Variants in CKM observed in about 807,000 individuals in gnomAD.
CKM encodes creatine kinase, M-type, also known as creatine kinase M-type.
CKM carries 28 observed loss-of-function variants against 35.4 expected under a neutral mutation model. That is an observed-to-expected ratio of 0.79 (90% CI 0.59 to 1.08). The LOEUF (loss-of-function observed/expected upper bound fraction) is 1.08, where lower values mean the gene tolerates loss of function less well. Ranked by LOEUF, CKM falls within the 50% of genes least tolerant of loss-of-function variation. The probability of loss-of-function intolerance (pLI) is 0.00; values close to 1 mark genes in which losing one functional copy is unlikely to be tolerated. For missense variants in CKM, 484 were observed against 509.8 expected (o/e 0.95, Z 0.49); for synonymous variants, 215 against 204.4 (o/e 1.05, Z -0.44).
At chr19:45,307,726 G>A (rs1599813666) in intron 6 of CKM, 76 bp from the exon 7 acceptor site, 5 of 1,234,768 alleles carry the variant, frequency 4.0e-6, no homozygotes, top group Non-Finnish European at 4.7e-6. Flanking sequence ...GACAGGGTCC[G>A]GAGGGACAGG....
At chr19:45,310,797 G>A (rs55674470) in intron 5 of CKM, among the ~76,000 whole-genome samples, 3,938 of 113,110 alleles carry the variant, frequency 0.035, 66 homozygotes, top group African/African-American at 0.041. Flanking sequence ...TTTTTGAGAC[G>A]GAGTCTCCTG....
chr19:45,318,557 G>A (rs1391988461), intron 2 of CKM, among the ~76,000 whole-genome samples: 1 of 152,012 alleles, frequency 6.6e-6, no homozygotes, highest in Non-Finnish European at 1.5e-5. Flanking sequence ...AGCTTCAGAG[G>A]GTACATGGTG....
rs1971059274 is a variant in CKM, at chr19:45,306,993, C to T, written c.968-65G>A. 6.4e-7 allele frequency: 1 copy of T among 1,565,288 alleles called. No homozygotes were observed. The highest frequency in any genetic ancestry group is 1.1e-5 in the South Asian group (1 of 90,172). ...GGTGCAGAGGGGCTGGGACGTGGCC[C>T]CCGTGCCAAATGCAACAGCCGCATG... On this transcript the variant is annotated intron_variant, in intron 7 of 7. Coordinates refer to ENST00000221476, the MANE Select transcript of CKM (RefSeq NM_001824.5). This position sits in a 1 kb window ranked among gnomAD's most constrained non-coding sequence, Gnocchi z 4.5.
At chr19:45,310,297 T>G (rs375820410) in intron 5 of CKM, among the ~76,000 whole-genome samples, 2 of 151,864 alleles carry the variant, frequency 1.3e-5, no homozygotes, top group African/African-American at 4.8e-5. Context: ...ATTTTTTGTA[T>G]TTTTAGTAGA....
intron 5 of CKM, 76 bp downstream of exon 5, chr19:45,311,673 G>T: frequency 7.9e-7 from 1 of 1,271,814 alleles, no homozygotes; most frequent in Non-Finnish European, 1.1e-6. Flanking sequence ...GGTTTTGGTG[G>T]AGGAGTGAGG....
chr19:45,307,706 C>A, intron 6 of CKM, 56 bp from the exon 7 acceptor site: 1 of 1,453,012 alleles, frequency 6.9e-7, no homozygotes, highest in African/African-American at 1.4e-5. Context: ...CCAAATGCAC[C>A]CGCAACATGG....
intron 3 of CKM, among the ~76,000 whole-genome samples, chr19:45,315,905 GC>G (rs529984552): frequency 5.7e-4 from 85 of 149,992 alleles, no homozygotes; most frequent in African/African-American, 2.0e-3. Flanking sequence ...GTGCAGTGGT[GC>G]CATCATAGCT....
intron 6 of CKM, 101 bp from the exon 7 acceptor site, chr19:45,307,751 T>A: frequency 1.1e-6 from 1 of 941,476 alleles, no homozygotes; most frequent in Non-Finnish European, 1.7e-6. Context: ...GGGAACGTGG[T>A]GGAGGTGGGA....
chr19:45,322,620 T>G (rs1341420136), intron 1 of CKM, among the ~76,000 whole-genome samples: 3 of 152,004 alleles, frequency 2.0e-5, no homozygotes, highest in Non-Finnish European at 4.4e-5. Context: ...CAGGTCCCAG[T>G]GGGGGGTTCA....
chr19:45,321,649 G>C (rs935458404), intron 1 of CKM, among the ~76,000 whole-genome samples: 1 of 151,946 alleles, frequency 6.6e-6, no homozygotes, highest in African/African-American at 2.4e-5. Flanking sequence ...TGCAGAGATG[G>C]GGTCTCACTA....
At chr19:45,311,523 G>A (rs1391403813) in intron 5 of CKM, among the ~76,000 whole-genome samples, 2 of 152,310 alleles carry the variant, frequency 1.3e-5, no homozygotes, top group South Asian at 2.1e-4. Context: ...ACCGTGCCCC[G>A]CCAAGTCTTA....
chr19:45,315,367 T>G lies in CKM; in HGVS notation c.481+98A>C, dbSNP rs1397057696. ...CGATTTACCAAGCTCTTCCCCTACT[T>G]TGAAAAGCGGGGGCCCAAAGAGACC... On this transcript the variant is annotated intron_variant, in intron 4 of 7. Coordinates refer to ENST00000221476, the MANE Select transcript of CKM (RefSeq NM_001824.5). 2.2e-6 allele frequency: 3 copies of G among 1,387,304 alleles called. No homozygotes were observed. In the East Asian group the frequency reaches 7.2e-5, roughly 33 times the overall value. 85.9% of individuals were successfully genotyped at this position (1,387,304 alleles called of 1,614,324 possible).
At chr19:45,307,061 ATG>A in intron 7 of CKM, 133 bp from the exon 8 acceptor site, 12 of 833,608 alleles carry the variant, frequency 1.4e-5, no homozygotes, top group Non-Finnish European at 2.2e-5. Context: ...CACACAGGTA[ATG>A]CCTGTTCATT....
intron 1 of CKM, among the ~76,000 whole-genome samples, chr19:45,320,063 A>G (rs921425143): frequency 1.3e-5 from 2 of 151,496 alleles, no homozygotes; most frequent in African/African-American, 4.9e-5. Context: ...TGCTGGGATT[A>G]CAGGCGTGAG....
intron 3 of CKM, 21 bp downstream of exon 3, chr19:45,317,804 C>T (rs745653489): frequency 6.2e-7 from 1 of 1,613,898 alleles, no homozygotes; most frequent in Non-Finnish European, 8.5e-7. Context: ...CTCGGCCCTC[C>T]CCTCCTGCGC....
intron 2 of CKM, 105 bp downstream of exon 2, chr19:45,319,416 G>C: frequency 2.3e-6 from 2 of 872,222 alleles, no homozygotes; most frequent in Non-Finnish European, 3.7e-6. Context: ...TTACAGATGA[G>C]AAAACTGAGG....
At chr19:45,315,849 C>CTTT (rs376961493) in intron 3 of CKM, among the ~76,000 whole-genome samples, 123 of 135,662 alleles carry the variant, frequency 9.1e-4, no homozygotes, top group African/African-American at 3.0e-3. Context: ...ATTTCTTTTC[C>CTTT]TTTTTTTTCT....
intron 5 of CKM, among the ~76,000 whole-genome samples, chr19:45,309,532 G>A (rs1451740441): frequency 6.8e-6 from 1 of 147,366 alleles, no homozygotes; most frequent in Non-Finnish European, 1.5e-5. Flanking sequence ...CTCCAGCCTG[G>A]GCAACAGAGC....
chr19:45,319,638 G>A lies in CKM; in HGVS notation c.76C>T (p.His26Tyr). The A allele has an allele frequency of 6.2e-7, 1 of 1,614,154 alleles. No homozygotes were observed. Among genetic ancestry groups the A allele is most frequent in the Non-Finnish European group, 8.5e-7 (1 of 1,180,022 alleles). Residue 26 changes from histidine to tyrosine, a missense_variant, in exon 2 of 8, where the codon CAT becomes TAT. By Grantham distance (83) the His-to-Tyr change is moderately conservative. Coordinates refer to ENST00000221476, the MANE Select transcript of CKM (RefSeq NM_001824.5). Reference sequence around the variant, plus strand: ...AGTACCTTGGCCATGTGGTTGTTATGTTTGCTGAGGTCGGGGTACTCCTCC... The same window carrying A: ...AGTACCTTGGCCATGTGGTTGTTATATTTGCTGAGGTCGGGGTACTCCTCC... Reference protein sequence around the residue: ...PEEEYPDLSKHNNHMAKVLTL... With the variant: ...PEEEYPDLSKYNNHMAKVLTL...
Sources: allele counts gnomAD v4.1 joint callset (sites outside exome capture counted in the v4.1 genomes callset), GRCh38; gene constraint gnomAD v4.1.1; non-coding constraint Gnocchi (gnomAD v3.1); transcripts MANE v1.5; gene names NCBI Gene and HGNC (gene_info 2026-07-23, HGNC 2026-07-21).